MITF: variants seen among roughly 807,000 people sequenced by gnomAD.
The protein encoded by MITF is microphthalmia-associated transcription factor.
MITF carries 17 observed loss-of-function variants against 60.5 expected under a neutral mutation model. The observed-to-expected ratio is 0.28, with a 90% CI of 0.19 to 0.42. MITF has a LOEUF of 0.42. Ranked by LOEUF, MITF falls within the 10% of genes least tolerant of loss-of-function variation. The probability of loss-of-function intolerance (pLI) is 1.00; values close to 1 mark genes in which losing one functional copy is unlikely to be tolerated. For synonymous variants in MITF, 260 were observed against 248.5 expected (o/e 1.05, Z -0.43); for missense variants, 622 against 683.5 (o/e 0.91, Z 1.00).
chr3:69,854,143 C>T (rs2063875316), intron 1 of MITF, among the ~76,000 whole-genome samples: 1 of 152,142 alleles, frequency 6.6e-6, no homozygotes, highest in South Asian at 2.1e-4. Flanking sequence ...CCACCGAGCC[C>T]AGCTGATCAC....
In MITF at chr3:69,949,429, T is replaced by A. The variant is rs79632363; in HGVS notation, c.880+261T>A. 0.019 allele frequency among the ~76,000 whole-genome samples: 2,808 copies of A among 151,714 alleles called. 93 individuals are homozygous for A. The highest frequency in any genetic ancestry group is 0.063 in the African/African-American group (2,594 of 41,056). On this transcript the variant is annotated intron_variant, in intron 6 of 9. Transcript: ENST00000352241. ...ACCATTACTGCATGTCACCAATCAC[T>A]GTGTGTGTGGTGAAGGTCCCCTTTG...
chr3:69,821,564 T>A (rs2063272098), intron 1 of MITF, among the ~76,000 whole-genome samples: 1 of 151,900 alleles, frequency 6.6e-6, no homozygotes, highest in Non-Finnish European at 1.5e-5. Flanking sequence ...TCCAGGTCCT[T>A]GAATTAATTT....
Position 69,755,385 on chromosome 3 carries a change from G to A in MITF, c.104+15684G>A, listed in dbSNP as rs377299287. On this transcript the variant is annotated intron_variant, in intron 1 of 9. Coordinates refer to ENST00000352241, the MANE Select transcript of MITF (RefSeq NM_001354604.2). The stretch of plus-strand genomic sequence containing the variant: ...ATCTTTATCCAATATAAGCCATAAG[G>A]CCCTGTATTCTTGAGCCTCAAAATC... Among the ~76,000 whole-genome samples the A allele has an allele frequency of 1.6e-4, 23 of 141,848 alleles. No homozygotes were observed. The East Asian group carries it at 1.8e-3, about 11-fold the overall frequency. The allele number at this position is 141,848 out of a possible 152,430, so 93.1% of individuals were successfully genotyped here.
intron 1 of MITF, among the ~76,000 whole-genome samples, chr3:69,844,409 G>A (rs1008836679): frequency 1.3e-5 from 2 of 152,150 alleles, no homozygotes; most frequent in Admixed American, 1.3e-4. Flanking sequence ...GGGAGAACTG[G>A]CTAGCCATAT....
intron 2 of MITF, among the ~76,000 whole-genome samples, chr3:69,917,376 C>CTTTTTTT: frequency 8.8e-6 from 1 of 113,298 alleles, no homozygotes; most frequent in Non-Finnish European, 1.7e-5. Context: ...CAGTTGCCTC[C>CTTTTTTT]TTTTTTTTTT....
intron 1 of MITF, among the ~76,000 whole-genome samples, chr3:69,845,632 C>A (rs888994400): frequency 1.3e-5 from 2 of 152,046 alleles, no homozygotes; most frequent in African/African-American, 4.8e-5. Context: ...CACAACTAGA[C>A]CCAGTTAGCC....
intron 1 of MITF, among the ~76,000 whole-genome samples, chr3:69,787,594 A>G (rs1374304199): frequency 6.6e-6 from 1 of 152,150 alleles, no homozygotes; most frequent in Non-Finnish European, 1.5e-5. Flanking sequence ...TTGAATCTGT[A>G]TCTGGCCGTG....
intron 1 of MITF, among the ~76,000 whole-genome samples, chr3:69,745,640 G>C (rs185103086): frequency 3.3e-5 from 5 of 152,294 alleles, no homozygotes; most frequent in African/African-American, 1.2e-4. Flanking sequence ...CTTTCTTTAA[G>C]CTCTTTCTTG....
intron 1 of MITF, among the ~76,000 whole-genome samples, chr3:69,821,452 G>A (rs1043470665): frequency 6.6e-6 from 1 of 151,994 alleles, no homozygotes; most frequent in African/African-American, 2.4e-5. Flanking sequence ...CTAATTGGTA[G>A]GATGTATGGA....
At chr3:69,840,504 G>A (rs543482936) in intron 1 of MITF, among the ~76,000 whole-genome samples, 1 of 151,874 alleles carries the variant, frequency 6.6e-6, no homozygotes, top group South Asian at 2.1e-4. Context: ...ACCTCGGAAA[G>A]GGAAGAATAA....
At chr3:69,747,767 C>T (rs1295509221) in intron 1 of MITF, among the ~76,000 whole-genome samples, 2 of 152,158 alleles carry the variant, frequency 1.3e-5, no homozygotes, top group African/African-American at 4.8e-5. Flanking sequence ...TTTTGTTATC[C>T]TTTCTTTCCT....
intron 2 of MITF, among the ~76,000 whole-genome samples, chr3:69,901,542 A>C (rs1559707868): frequency 6.6e-6 from 1 of 152,008 alleles, no homozygotes; most frequent in Non-Finnish European, 1.5e-5. Flanking sequence ...GTTAGAGTGC[A>C]CTTAGAGTGA....
chr3:69,901,213 CAA>C (rs201494705), intron 2 of MITF, among the ~76,000 whole-genome samples: 49 of 75,150 alleles, frequency 6.5e-4, no homozygotes, highest in African/African-American at 1.1e-3. Context: ...TGTGATTTTT[CAA>C]AAAAAAAAAA....
Position 69,948,963 on chromosome 3 carries a change from T to C in MITF, c.763-88T>C, listed in dbSNP as rs1386021022. On this transcript the variant is annotated intron_variant, in intron 5 of 9. Transcript: ENST00000352241. ...TTTGTATCAAATAATTTTTCTTAAA[T>C]AAATCCTAGAGTAGGATATAGGTTT... The C allele has an allele frequency of 5.3e-6, 5 of 952,286 alleles. No homozygotes were observed. In the Admixed American group the frequency reaches 9.8e-5, roughly 19 times the overall value. 59.0% of individuals were successfully genotyped at this position (952,286 alleles called of 1,614,324 possible). A position where few individuals can be genotyped will look rare whatever the true frequency, so the allele number is the denominator to read the frequency against.
intron 7 of MITF, among the ~76,000 whole-genome samples, chr3:69,953,765 GT>G (rs1451264461): frequency 6.6e-6 from 1 of 151,714 alleles, no homozygotes; most frequent in African/African-American, 2.4e-5. Context: ...TTTCTACAAT[GT>G]GAACCAGAAA....
intron 1 of MITF, chr3:69,762,894 G>C (rs893091477): frequency 2.2e-5 from 5 of 224,844 alleles, no homozygotes; most frequent in Middle Eastern, 1.3e-3. Flanking sequence ...TTGATGGGCT[G>C]TCTTATTTCC....
At chr3:69,742,609 C>A (rs1703568602) in intron 1 of MITF, among the ~76,000 whole-genome samples, 1 of 152,122 alleles carries the variant, frequency 6.6e-6, no homozygotes, top group Admixed American at 6.6e-5. Flanking sequence ...TTGCACTTGC[C>A]TTGATCATCC....
intron 1 of MITF, among the ~76,000 whole-genome samples, chr3:69,764,430 T>A (rs1228419986): frequency 6.6e-6 from 1 of 152,246 alleles, no homozygotes; most frequent in African/African-American, 2.4e-5. Context: ...CTCATTTTGC[T>A]ATTTTCTTGA....
At chr3:69,811,121 G>A (rs545170182) in intron 1 of MITF, among the ~76,000 whole-genome samples, 7 of 152,268 alleles carry the variant, frequency 4.6e-5, no homozygotes, top group South Asian at 4.1e-4. Context: ...AAATACCAGC[G>A]TTGGGAAGCT....
Sources: gnomAD v4.1 joint callset for allele counts (sites outside exome capture counted in the v4.1 genomes callset) on GRCh38, gnomAD v4.1.1 for gene constraint, MANE v1.5 for transcripts, NCBI Gene and HGNC (gene_info 2026-07-23, HGNC 2026-07-21) for gene names.